Variants in CDK11B observed in about 807,000 individuals in gnomAD.
CDK11B encodes the protein cyclin dependent kinase 11B.
Under a neutral mutation model 84.0 loss-of-function variants are expected in CDK11B, and 37 were observed. The observed-to-expected ratio is 0.44, with a 90% CI of 0.34 to 0.58. The LOEUF (loss-of-function observed/expected upper bound fraction) is 0.58. Among genes scored for constraint, CDK11B ranks in the 20% least tolerant of loss-of-function variants. CDK11B has a pLI of 0.02. For missense variants in CDK11B, 427 were observed against 834.0 expected (o/e 0.51, Z 6.01); for synonymous variants, 269 against 309.8 (o/e 0.87, Z 1.38).
Position 1,651,489 on chromosome 1 carries a change from G to A in CDK11B, c.355+950C>T, listed in dbSNP as rs1413061270. On this transcript the variant is annotated intron_variant, in intron 4 of 19. Transcript: ENST00000341832. Reference sequence around the variant, plus strand: ...AGAGTACTCTATAGCCCCTCTGAATGGTCTGTGACACATGCACGCTTTCAG... The same window carrying A: ...AGAGTACTCTATAGCCCCTCTGAATAGTCTGTGACACATGCACGCTTTCAG... Among the ~76,000 whole-genome samples the A allele has an allele frequency of 1.9e-3, 271 of 146,146 alleles. 2 individuals are homozygous for A. Among genetic ancestry groups the A allele is most frequent in the African/African-American group, 6.4e-3 (244 of 38,112 alleles).
chr1:1,655,213 T>G, intron 3 of CDK11B, 156 bp downstream of exon 3: 1 of 964,294 alleles, frequency 1.0e-6, no homozygotes, highest in Non-Finnish European at 1.4e-6. Context: ...AACTGTGACA[T>G]AAAAACCTCA....
At chr1:1,650,663 CCTTT>C (rs1263879340) in intron 4 of CDK11B, among the ~76,000 whole-genome samples, 94 of 111,030 alleles carry the variant, frequency 8.5e-4, no homozygotes, top group African/African-American at 3.1e-3. Context: ...CCGCGCCCGG[CCTTT>C]TTTTTTTTTT....
At chr1:1,644,869 T>C (rs1387979046) in intron 6 of CDK11B, among the ~76,000 whole-genome samples, 2 of 148,758 alleles carry the variant, frequency 1.3e-5, no homozygotes, top group African/African-American at 5.1e-5. Flanking sequence ...GGCGGGTGCC[T>C]GTAATCCCTG....
chr1:1,637,311 G>C, intron 14 of CDK11B, 97 bp downstream of exon 14: 1 of 1,567,370 alleles, frequency 6.4e-7, no homozygotes, highest in Non-Finnish European at 8.7e-7. Context: ...CTTTCCCTGT[G>C]GATGCAGCTG....
chr1:1,635,923 G>C lies in CDK11B; in HGVS notation c.2256+14C>G. On this transcript the variant is annotated intron_variant, in intron 19 of 19. Transcript: ENST00000341832. The stretch of plus-strand genomic sequence containing the variant: ...CCCCACCTGTGGGCACGCCCCACCC[G>C]CCAGGCCCCTCACCAGCTGGCTGTA... 1 of 321,722 alleles carries C rather than the reference G, an allele frequency of 3.1e-6. No homozygotes were observed. 19.9% of individuals were successfully genotyped at this position (321,722 alleles called of 1,614,324 possible). A position where few individuals can be genotyped will look rare whatever the true frequency, so the allele number is the denominator to read the frequency against.
chr1:1,655,800 T>G (rs1390215507), intron 2 of CDK11B, among the ~76,000 whole-genome samples: 6 of 152,006 alleles, frequency 3.9e-5, no homozygotes, highest in Non-Finnish European at 5.9e-5. Context: ...CCGGAACTGC[T>G]TGAACCCGGG....
intron 2 of CDK11B, 122 bp from the exon 3 acceptor site, chr1:1,655,606 T>A (rs1642639929): frequency 2.9e-6 from 4 of 1,372,632 alleles, no homozygotes; most frequent in Non-Finnish European, 3.9e-6. Context: ...ATATATACTC[T>A]GAATGAGCCA....
At position 1,636,705 on chromosome 1, in the gene CDK11B, C is replaced by G; in HGVS notation, c.1894G>C (p.Asp632His). Reference protein sequence around the residue: ...KPLFPGKSEIDQINKVFKDLG... With the variant: ...KPLFPGKSEIHQINKVFKDLG... ...ACCTTGAACACCTTGTTGATCTGAT[C>G]GATTTCTGACTTCCCGGGGAACAGA... The change falls in exon 17 of 20, where the codon GAT (aspartate) becomes CAT (histidine). Residue 632 changes from aspartate to histidine, a missense_variant. Transcript: ENST00000341832. 2 of 1,613,962 alleles carry G rather than the reference C, an allele frequency of 1.2e-6. No homozygotes were observed. Among genetic ancestry groups the G allele is most frequent in the East Asian group, 2.2e-5 (1 of 44,882 alleles).
intron 13 of CDK11B, 87 bp from the exon 14 acceptor site, chr1:1,637,600 G>A (rs1404893618): frequency 1.9e-6 from 3 of 1,609,016 alleles, no homozygotes; most frequent in Non-Finnish European, 2.5e-6. Flanking sequence ...GGACAGTAAG[G>A]ACCTCCGGTG....
chr1:1,638,031 CAGG>C (rs1296890289), intron 12 of CDK11B, 148 bp from the exon 13 acceptor site: 6 of 1,432,208 alleles, frequency 4.2e-6, no homozygotes, highest in Admixed American at 2.1e-5. Context: ...ACGTGGGCAC[CAGG>C]AGAACGCCCC....
At chr1:1,640,169 GC>G in intron 11 of CDK11B, 107 bp downstream of exon 11, 1 of 1,253,278 alleles carries the variant, frequency 8.0e-7, no homozygotes, top group Non-Finnish European at 1.1e-6. Flanking sequence ...GGGCCCAGCA[GC>G]CCTGTGAGGC....
At chr1:1,656,569 CA>C (rs1282803443) in intron 2 of CDK11B, among the ~76,000 whole-genome samples, 2 of 152,262 alleles carry the variant, frequency 1.3e-5, no homozygotes, top group Admixed American at 1.3e-4. Context: ...GTGGGTGGAT[CA>C]TGAGGTCAGG....
At position 1,635,567 on chromosome 1, in the gene CDK11B, T is replaced by G; in HGVS notation, c.*197A>C. On this transcript the variant is annotated 3_prime_UTR_variant, in exon 20 of 20. Transcript: ENST00000341832. ...GTCCACCCTCTCCGCCCTGGGCAAG[T>G]CACGGAGAAAACACAGCTCTTTCCT... 1 of 499,974 alleles carries G rather than the reference T, an allele frequency of 2.0e-6. No homozygotes were observed. The highest frequency in any genetic ancestry group is 2.3e-5 in the South Asian group (1 of 44,362). 31.0% of individuals were successfully genotyped at this position (499,974 alleles called of 1,614,324 possible).
At chr1:1,651,934 GAC>G (rs1362230451) in intron 4 of CDK11B, among the ~76,000 whole-genome samples, 1 of 151,144 alleles carries the variant, frequency 6.6e-6, no homozygotes, top group African/African-American at 2.4e-5. Context: ...TTTAGTCTGT[GAC>G]ACACACATGC....
intron 5 of CDK11B, 149 bp downstream of exon 5, chr1:1,649,350 C>T (rs1641595873): frequency 3.4e-6 from 2 of 594,840 alleles, no homozygotes; most frequent in African/African-American, 1.9e-5. Context: ...ATCCGCCCAC[C>T]TCGGCCTCCC....
rs1272309005 is a variant in CDK11B at position 1,658,353 on chromosome 1, G to A, written c.-14+561C>T. On this transcript the variant is annotated intron_variant, in intron 1 of 19. Transcript: ENST00000341832. The stretch of plus-strand genomic sequence containing the variant: ...AAAAGAGTGATGGGTTCTGAAAAAT[G>A]ACCGCTTGAAATCAAGTCTCGTTTC... Among the ~76,000 whole-genome samples the A allele has an allele frequency of 1.2e-4, 18 of 149,716 alleles. No homozygotes were observed. In the East Asian group the frequency reaches 2.8e-3, roughly 23 times the overall value.
intron 11 of CDK11B, among the ~76,000 whole-genome samples, chr1:1,639,584 T>A (rs530070500): frequency 6.6e-6 from 1 of 151,544 alleles, no homozygotes; most frequent in South Asian, 2.1e-4. Context: ...CCGGATGTCA[T>A]GTACTCGGGG....
chr1:1,658,243 G>C (rs1643056847), intron 1 of CDK11B, among the ~76,000 whole-genome samples: 2 of 149,994 alleles, frequency 1.3e-5, no homozygotes, highest in Admixed American at 6.6e-5. Flanking sequence ...TACTCTGCAA[G>C]CTGAGATGGG....
In CDK11B at chr1:1,649,453, T is replaced by C. The variant is rs1241492835; in HGVS notation, c.494+46A>G. ...TCTTCATTTCTAGGATGGGACACAC[T>C]ACCACAGCCCTTTTATAAAGTCCTC... On this transcript the variant is annotated intron_variant, in intron 5 of 19. Transcript: ENST00000341832. 5.8e-6 allele frequency: 8 copies of C among 1,378,344 alleles called. No homozygotes were observed. In the African/African-American group the frequency reaches 8.6e-5, roughly 15 times the overall value. 85.4% of individuals were successfully genotyped at this position (1,378,344 alleles called of 1,614,324 possible).
Sources: allele counts gnomAD v4.1 joint callset (sites outside exome capture counted in the v4.1 genomes callset), GRCh38; gene constraint gnomAD v4.1.1; transcripts MANE v1.5; gene names NCBI Gene and HGNC (gene_info 2026-07-23, HGNC 2026-07-21).